EDRF1: variants seen among roughly 807,000 people sequenced by gnomAD.
EDRF1 encodes erythroid differentiation regulatory factor 1, also known as erythroid differentiation-related factor 1.
EDRF1 carries 69 observed loss-of-function variants against 148.7 expected under a neutral mutation model. The observed-to-expected ratio is 0.46, with a 90% CI of 0.38 to 0.57. The LOEUF is 0.57. EDRF1 is among the 20% of genes least tolerant of loss of function. The pLI is 0.00. For synonymous variants in EDRF1, 515 were observed against 532.8 expected, an observed-to-expected ratio of 0.97 and a Z score of 0.46; for missense variants, 1,118 against 1,478.7, an observed-to-expected ratio of 0.76 and a Z score of 4.00.
intron 11 of EDRF1, 99 bp from the exon 12 acceptor site, chr10:125,733,973 T>A: frequency 9.4e-7 from 1 of 1,058,868 alleles, no homozygotes; most frequent in East Asian, 2.4e-5. Flanking sequence ...TGTTGTTTCT[T>A]ATAGCTCTTT....
chr10:125,751,828 A>G (rs1849656866), intron 22 of EDRF1: 1 of 152,246 alleles, frequency 6.6e-6, no homozygotes, highest in Non-Finnish European at 1.5e-5. Context: ...AGCCAAGGGA[A>G]GAGGCTCGGG....
chr10:125,730,444 TAC>T, intron 9 of EDRF1, 45 bp downstream of exon 9: 1 of 1,491,440 alleles, frequency 6.7e-7, no homozygotes, highest in Non-Finnish European at 9.4e-7. Flanking sequence ...TGCAAATTGG[TAC>T]AGAGAGTTCC....
rs749051384 is a variant in EDRF1, at chr10:125,749,487, C to T, written c.3199C>T (p.Gln1067Ter). ...LHYSKAAKLF[Q>*]LLKDAPCELL... Reference sequence around the variant, plus strand: ...TTACAGCAAGGCCGCAAAGCTGTTTCAGCTGCTGAAAGATGCTCCCTGCGA... The same window carrying T: ...TTACAGCAAGGCCGCAAAGCTGTTTTAGCTGCTGAAAGATGCTCCCTGCGA... Residue 1067 changes from glutamine to a stop codon, truncating the protein, a stop_gained, in exon 22 of 25, where the codon CAG becomes TAG. Coordinates refer to ENST00000356792, the MANE Select transcript of EDRF1 (RefSeq NM_001202438.2). LOFTEE classifies it high-confidence loss of function. 6.2e-7 allele frequency: 1 copy of T among 1,614,062 alleles called. No individual in the cohort carries two copies. The highest frequency in any genetic ancestry group is 1.3e-5 in the African/African-American group (1 of 74,922).
At position 125,747,976 on chromosome 10, in the gene EDRF1, G is replaced by C; in HGVS notation, c.3087G>C (p.Arg1029Ser). Residue 1029 changes from arginine to serine, a missense_variant, in exon 21 of 25, where the codon AGG becomes AGC. Coordinates refer to ENST00000356792, the MANE Select transcript of EDRF1 (RefSeq NM_001202438.2). ...CQYRAATIHH[R>S]LASMYHSCLR... ...ATCGAGCTGCAACCATCCATCACAGGCTGGCCTCCATGTACCACAGCTGTC... is the reference window on the plus strand; with the variant it reads ...ATCGAGCTGCAACCATCCATCACAGCCTGGCCTCCATGTACCACAGCTGTC... 1 of 1,614,180 alleles carries C rather than the reference G, an allele frequency of 6.2e-7. No individual in the cohort carries two copies. The highest frequency in any genetic ancestry group is 8.5e-7 in the Non-Finnish European group (1 of 1,180,028).
chr10:125,740,869 G>T, intron 16 of EDRF1, 132 bp from the exon 17 acceptor site: 1 of 1,140,046 alleles, frequency 8.8e-7, no homozygotes, highest in Non-Finnish European at 1.3e-6. Flanking sequence ...ATGTATTGTT[G>T]GACCTAAAAT....
chr10:125,733,787 T>C lies in EDRF1; in HGVS notation c.1385+44T>C, dbSNP rs774427466. ...TAAGATGAAGAAGTAGCCTATTATA[T>C]AAAGTTTTAAAGCATACAGTCACAG... On this transcript the variant is annotated intron_variant, in intron 11 of 24. Transcript: ENST00000356792. The C allele has an allele frequency of 7.2e-6, 11 of 1,522,908 alleles. No individual in the cohort carries two copies. In the South Asian group the frequency reaches 9.0e-5, roughly 12 times the overall value. The allele number at this position is 1,522,908 out of a possible 1,614,324, so 94.3% of individuals were successfully genotyped here. A position where few individuals can be genotyped will look rare whatever the true frequency, so the allele number is the denominator to read the frequency against.
At chr10:125,738,146 A>G (rs1401661099) in intron 14 of EDRF1, 149 bp from the exon 15 acceptor site, 15 of 1,379,130 alleles carry the variant, frequency 1.1e-5, no homozygotes, top group Admixed American at 3.6e-5. Context: ...GTTTTTCCCA[A>G]ATCTTTCAGA....
intron 2 of EDRF1, 91 bp downstream of exon 2, chr10:125,721,503 A>G: frequency 1.5e-5 from 18 of 1,176,002 alleles, no homozygotes; most frequent in South Asian, 3.9e-5. Context: ...ATGCCTATTA[A>G]CTTGTCGAGA....
chr10:125,749,690 A>G, intron 22 of EDRF1, 125 bp downstream of exon 22: 1 of 1,149,212 alleles, frequency 8.7e-7, no homozygotes, highest in South Asian at 1.3e-5. Context: ...ATAGTTAATG[A>G]CTTCGGGTAG....
intron 1 of EDRF1, among the ~76,000 whole-genome samples, chr10:125,720,810 CAAAAAAAA>C (rs34319808): frequency 7.6e-6 from 1 of 131,826 alleles, no homozygotes; most frequent in Non-Finnish European, 1.6e-5. Context: ...GACTGCGTCT[CAAAAAAAA>C]AAAAAAAAAG....
At chr10:125,751,499 A>G (rs560506654) in intron 22 of EDRF1, among the ~76,000 whole-genome samples, 86 of 151,720 alleles carry the variant, frequency 5.7e-4, no homozygotes, top group African/African-American at 1.8e-3. Context: ...ACACTTTCAT[A>G]CATAAGCAAT....
At position 125,719,847 on chromosome 10, in the gene EDRF1, G is replaced by T. The variant is rs767659888; in HGVS notation, c.40G>T (p.Ala14Ser). ...AKEAGAEGPP[A>S]GAAARGGLSL... The stretch of plus-strand genomic sequence containing the variant: ...GGAGGCCGGAGCCGAGGGTCCGCCG[G>T]CCGGGGCCGCCGCTCGAGGAGGGCT... The change falls in exon 1 of 25, where the codon GCC becomes TCC. Residue 14 changes from alanine (A) to serine (S), a missense_variant. Around this residue, in one of 3 missense-constraint regions of EDRF1, gnomAD observed 65 missense variants for 50.3 expected, o/e 1.29. Coordinates refer to ENST00000356792, the MANE Select transcript of EDRF1 (RefSeq NM_001202438.2). 1.9e-6 allele frequency: 3 copies of T among 1,612,282 alleles called. No individual in the cohort carries two copies. The Admixed American group carries it at 5.0e-5, about 27-fold the overall frequency.
chr10:125,728,733 G>T (rs1564733629), intron 6 of EDRF1, among the ~76,000 whole-genome samples: 1 of 152,104 alleles, frequency 6.6e-6, no homozygotes, highest in Non-Finnish European at 1.5e-5. Flanking sequence ...CACCAAAAAA[G>T]AGAAAAATGA....
intron 1 of EDRF1, 52 bp from the exon 2 acceptor site, chr10:125,721,152 A>G: frequency 1.9e-6 from 3 of 1,575,320 alleles, no homozygotes; most frequent in East Asian, 4.5e-5. Flanking sequence ...TAAAGGTGAG[A>G]TTTTTCGTTC....
chr10:125,747,491 A>T, intron 19 of EDRF1, 45 bp from the exon 20 acceptor site: 1 of 1,602,754 alleles, frequency 6.2e-7, no homozygotes, highest in Non-Finnish European at 8.5e-7. Flanking sequence ...GTATTGGTAT[A>T]TGTTTAAGCT....
At chr10:125,761,308 G>GCCAAAGGTTTTCTCTTTTCT in intron 24 of EDRF1, 1 of 300,168 alleles carries the variant, frequency 3.3e-6, no homozygotes, top group Non-Finnish European at 6.7e-6. Flanking sequence ...AGTTTGTTAG[G>GCCAAAGGTTTTCTCTTTTCT]CCAAAGGTTT....
At chr10:125,728,448 C>T (rs1410621139) in intron 6 of EDRF1, among the ~76,000 whole-genome samples, 1 of 152,068 alleles carries the variant, frequency 6.6e-6, no homozygotes, top group Non-Finnish European at 1.5e-5. Flanking sequence ...TTCTGTGAAA[C>T]ACTCATCAGG....
chr10:125,742,909 CTT>C, intron 17 of EDRF1, 147 bp from the exon 18 acceptor site: 1 of 1,307,284 alleles, frequency 7.6e-7, no homozygotes, highest in Non-Finnish European at 1.0e-6. Context: ...TATTATGAAA[CTT>C]AAATATTGTT....
At chr10:125,759,502 C>T (rs1271730061) in intron 24 of EDRF1, among the ~76,000 whole-genome samples, 1 of 152,054 alleles carries the variant, frequency 6.6e-6, no homozygotes, top group Non-Finnish European at 1.5e-5. Flanking sequence ...ATGGCTTACA[C>T]CTGTGATCCC....
Sources: allele counts gnomAD v4.1 joint callset (sites outside exome capture counted in the v4.1 genomes callset), GRCh38; gene constraint gnomAD v4.1.1; regional missense constraint gnomAD v4.1.1; transcripts MANE v1.5; gene names NCBI Gene and HGNC (gene_info 2026-07-23, HGNC 2026-07-21).